The following NCBP1 variants were observed in gnomAD, a reference collection of about 807,000 sequenced individuals.
NCBP1 encodes nuclear cap-binding protein subunit 1.
NCBP1 carries 16 observed loss-of-function variants against 111.7 expected under a neutral mutation model. That is an observed-to-expected ratio of 0.14 (90% confidence interval 0.10 to 0.22). The LOEUF is 0.22. NCBP1 is among the 10% of genes least tolerant of loss of function. The pLI is 1.00. For synonymous variants in NCBP1, 304 were observed against 314.3 expected, an observed-to-expected ratio of 0.97 and a Z score of 0.35; for missense variants, 607 against 957.5, an observed-to-expected ratio of 0.63 and a Z score of 4.83.
In NCBP1 at chr9:97,648,248, G is replaced by C. The variant is rs192434589; in HGVS notation, c.897+25G>C. On this transcript the variant is annotated intron_variant, in intron 8 of 22. Coordinates refer to ENST00000375147, the MANE Select transcript of NCBP1 (RefSeq NM_002486.5). ...GGTAAGTGACCGACTAAAAGTCCTA[G>C]ATATTGACCTGTGTTGCATTGTGCT... The C allele has an allele frequency of 1.0e-4, 163 of 1,602,214 alleles. No individual in the cohort carries two copies. In the African/African-American group the frequency reaches 2.0e-3, roughly 20 times the overall value.
At chr9:97,655,390 T>G (rs1407072497) in intron 12 of NCBP1, among the ~76,000 whole-genome samples, 5 of 150,878 alleles carry the variant, frequency 3.3e-5, no homozygotes, top group Non-Finnish European at 5.9e-5. Flanking sequence ...TACAATTTCA[T>G]AAAATTTTTT....
At chr9:97,648,265 C>A in intron 8 of NCBP1, 42 bp downstream of exon 8, 1 of 1,574,604 alleles carries the variant, frequency 6.4e-7, no homozygotes, top group Non-Finnish European at 8.7e-7. Flanking sequence ...ACCTGTGTTG[C>A]ATTGTGCTTG....
Position 97,661,065 on chromosome 9 carries a change from G to C in NCBP1, c.1597G>C (p.Asp533His), listed in dbSNP as rs368727721. 3.1e-6 allele frequency: 5 copies of C among 1,611,822 alleles called. No homozygotes were observed. Among genetic ancestry groups the C allele is most frequent in the Non-Finnish European group, 4.2e-6 (5 of 1,179,558 alleles). ...DVPNPNQDDD[D>H]DEGFSFNPLK... ...ACCAAATCCTAACCAGGATGATGACGACGGTAAGTGGAATTCAGTATTTCT... is the reference window on the plus strand; with the variant it reads ...ACCAAATCCTAACCAGGATGATGACCACGGTAAGTGGAATTCAGTATTTCT... The change falls in exon 16 of 23, where the codon GAC (aspartate) becomes CAC (histidine). Residue 533 changes from aspartate (D) to histidine (H), a missense_variant. This residue lies in a region of NCBP1 where 282 missense variants were observed against 376.5 expected (regional missense o/e 0.75). Transcript: ENST00000375147.
At position 97,672,981 on chromosome 9, in the gene NCBP1, A is replaced by T. The variant is rs1164841751; in HGVS notation, c.*1782A>T. Reference sequence around the variant, plus strand: ...GTCTCTACTAAAAACACAAAAACTTAGCCAGGCGTGGTGGTACATGGCTGT... The same window carrying T: ...GTCTCTACTAAAAACACAAAAACTTTGCCAGGCGTGGTGGTACATGGCTGT... On this transcript the variant is annotated 3_prime_UTR_variant, in exon 23 of 23. Coordinates refer to ENST00000375147, the MANE Select transcript of NCBP1 (RefSeq NM_002486.5). 1 of 152,352 alleles carries T rather than the reference A, an allele frequency of 6.6e-6. No individual in the cohort carries two copies. Among genetic ancestry groups the T allele is most frequent in the Non-Finnish European group, 1.5e-5 (1 of 68,228 alleles). 9.4% of individuals were successfully genotyped at this position (152,352 alleles called of 1,614,324 possible). A position where few individuals can be genotyped will look rare whatever the true frequency, so the allele number is the denominator to read the frequency against.
intron 14 of NCBP1, among the ~76,000 whole-genome samples, chr9:97,657,889 T>G (rs993990368): frequency 1.3e-4 from 9 of 70,892 alleles, no homozygotes; most frequent in South Asian, 1.4e-3. Context: ...CGGTAAGCTC[T>G]CTCTCTCTCT....
At chr9:97,635,402 A>G (rs1826985875) in intron 1 of NCBP1, among the ~76,000 whole-genome samples, 1 of 147,264 alleles carries the variant, frequency 6.8e-6, no homozygotes, top group East Asian at 1.9e-4. Context: ...CACAGAAAAT[A>G]CAATTCCCTC....
chr9:97,649,939 A>G (rs986769512), intron 8 of NCBP1, among the ~76,000 whole-genome samples: 1 of 152,154 alleles, frequency 6.6e-6, no homozygotes, highest in Non-Finnish European at 1.5e-5. Context: ...TTATTAAAAA[A>G]CATTAGAAAT....
At chr9:97,650,261 T>C (rs1158689100) in intron 8 of NCBP1, among the ~76,000 whole-genome samples, 1 of 152,202 alleles carries the variant, frequency 6.6e-6, no homozygotes, top group Non-Finnish European at 1.5e-5. Flanking sequence ...GTGTGTAAAG[T>C]AGGCAGTGGT....
chr9:97,653,042 A>C (rs942826359), intron 10 of NCBP1, among the ~76,000 whole-genome samples: 1 of 151,730 alleles, frequency 6.6e-6, no homozygotes, highest in African/African-American at 2.4e-5. Context: ...TGCCAGAAAG[A>C]TCTGAGCATC....
chr9:97,662,902 A>G, intron 17 of NCBP1, 52 bp from the exon 18 acceptor site: 1 of 1,345,020 alleles, frequency 7.4e-7, no homozygotes, highest in Non-Finnish European at 1.0e-6. Flanking sequence ...AAAACACTAA[A>G]ATGTTTAATG....
intron 16 of NCBP1, among the ~76,000 whole-genome samples, chr9:97,661,414 T>G (rs1169548424): frequency 6.6e-6 from 1 of 152,192 alleles, no homozygotes; most frequent in Non-Finnish European, 1.5e-5. Context: ...GCTATTAGAA[T>G]AATAATGTTT....
At chr9:97,641,443 G>T in intron 2 of NCBP1, 119 bp from the exon 3 acceptor site, 1 of 727,530 alleles carries the variant, frequency 1.4e-6, no homozygotes, top group Non-Finnish European at 1.9e-6. Context: ...CAGATGATTG[G>T]TAATGATTTT....
At chr9:97,665,211 G>T (rs1827958998) in intron 19 of NCBP1, among the ~76,000 whole-genome samples, 1 of 152,264 alleles carries the variant, frequency 6.6e-6, no homozygotes, top group African/African-American at 2.4e-5. Flanking sequence ...ATCTAAGGTT[G>T]TCATACCGGC....
chr9:97,647,639 C>T, intron 7 of NCBP1, 78 bp downstream of exon 7: 2 of 1,235,324 alleles, frequency 1.6e-6, no homozygotes, highest in Non-Finnish European at 2.3e-6. Context: ...GATACTCAGA[C>T]CATTCCATTT....
intron 15 of NCBP1, among the ~76,000 whole-genome samples, chr9:97,660,497 C>T (rs1394984568): frequency 1.3e-5 from 2 of 152,128 alleles, no homozygotes; most frequent in African/African-American, 2.4e-5. Flanking sequence ...CAGCCATTAC[C>T]TTGTTGAGAC....
In NCBP1 at chr9:97,666,999, A is replaced by C. The variant is rs150332778; in HGVS notation, c.2016+122A>C. On this transcript the variant is annotated intron_variant, in intron 20 of 22. Transcript: ENST00000375147. ...CTGAGCCCAAATTAATGCAGAGCAG[A>C]AATTTTTCTGAGCCCAATTTAATGC... The C allele has an allele frequency of 7.1e-4, 510 of 721,376 alleles. 9 individuals carry two copies. In the East Asian group the frequency reaches 0.013, roughly 18 times the overall value. 44.7% of individuals were successfully genotyped at this position (721,376 alleles called of 1,614,324 possible). A position where few individuals can be genotyped will look rare whatever the true frequency, so the allele number is the denominator to read the frequency against.
intron 22 of NCBP1, among the ~76,000 whole-genome samples, chr9:97,670,694 T>C (rs1434622768): frequency 6.6e-6 from 1 of 152,220 alleles, no homozygotes; most frequent in East Asian, 1.9e-4. Context: ...GTTTTCTGAC[T>C]GTTTATCTTC....
rs529407443 is a variant in NCBP1 at position 97,655,746 on chromosome 9, G to A, written c.1280G>A (p.Arg427His). 6 of 1,612,076 alleles carry A rather than the reference G, an allele frequency of 3.7e-6. No homozygotes were observed. The Admixed American group carries it at 5.0e-5, about 13-fold the overall frequency. Reference sequence around the variant, plus strand: ...CATCATCTAAGTAACTTCCAGTTCCGTTGGAGCTGGGAAGATTGGTAAGTG... The same window carrying A: ...CATCATCTAAGTAACTTCCAGTTCCATTGGAGCTGGGAAGATTGGTAAGTG... ...FSHHLSNFQF[R>H]WSWEDWSDCL... The change falls in exon 13 of 23, where the codon CGT becomes CAT. Residue 427 changes from arginine to histidine, a missense_variant. Coordinates refer to ENST00000375147, the MANE Select transcript of NCBP1 (RefSeq NM_002486.5).
At chr9:97,657,830 T>C (rs2131353495) in intron 14 of NCBP1, among the ~76,000 whole-genome samples, 1 of 151,118 alleles carries the variant, frequency 6.6e-6, no homozygotes, top group South Asian at 2.1e-4. Context: ...ACTATGAGGA[T>C]TATTTATTTT....
Sources: allele counts gnomAD v4.1 joint callset (sites outside exome capture counted in the v4.1 genomes callset), GRCh38; gene constraint gnomAD v4.1.1; regional missense constraint gnomAD v4.1.1; transcripts MANE v1.5; gene names NCBI Gene and HGNC (gene_info 2026-07-23, HGNC 2026-07-21).